Variants in TRAM2 observed in about 807,000 individuals in gnomAD.
TRAM2 encodes the protein translocating chain-associated membrane protein 2.
Under a neutral mutation model 51.0 loss-of-function variants are expected in TRAM2, and 12 were observed. The ratio of observed to expected loss-of-function variants is 0.24; its 90% confidence interval spans 0.15 to 0.38. The LOEUF (loss-of-function observed/expected upper bound fraction) is 0.38. TRAM2 is among the 10% of genes least tolerant of loss of function. The probability of loss-of-function intolerance (pLI) is 1.00; values close to 1 mark genes in which losing one functional copy is unlikely to be tolerated. For synonymous variants in TRAM2, 175 were observed against 179.4 expected (o/e 0.98, Z 0.20); for missense variants, 361 against 462.0 (o/e 0.78, Z 2.00).
chr6:52,545,775 T>C (rs1243602849), intron 1 of TRAM2, among the ~76,000 whole-genome samples: 1 of 152,118 alleles, frequency 6.6e-6, no homozygotes, highest in African/African-American at 2.4e-5. Context: ...CCCTGTTCCA[T>C]AGTCCTCCAT....
chr6:52,549,383 A>T (rs1767269612), intron 1 of TRAM2, among the ~76,000 whole-genome samples: 1 of 151,598 alleles, frequency 6.6e-6, no homozygotes. Context: ...TTTGCTTCCC[A>T]CAATGATTCA....
rs377638990 is a variant in TRAM2 at position 52,536,764 on chromosome 6, G to A, written c.121-918C>T. Among the ~76,000 whole-genome samples, 18 of 152,306 alleles carry A rather than the reference G, an allele frequency of 1.2e-4. No individual in the cohort carries two copies. In the East Asian group the frequency reaches 3.5e-3, roughly 29 times the overall value. Reference sequence around the variant, plus strand: ...CTCCCCAGAGGTTTCGGATGTGCAGGTGGGCCTGAGAACCACCATCCACAC... The same window carrying A: ...CTCCCCAGAGGTTTCGGATGTGCAGATGGGCCTGAGAACCACCATCCACAC... On this transcript the variant is annotated intron_variant, in intron 1 of 10. Coordinates refer to ENST00000182527, the MANE Select transcript of TRAM2 (RefSeq NM_012288.4).
chr6:52,561,781 G>A (rs1024960587), intron 1 of TRAM2, among the ~76,000 whole-genome samples: 132 of 151,960 alleles, frequency 8.7e-4, no homozygotes, highest in Non-Finnish European at 1.3e-3. Context: ...GTGCCACCAC[G>A]CCTGGTCCTA....
intron 1 of TRAM2, among the ~76,000 whole-genome samples, chr6:52,557,701 T>C (rs894732800): frequency 2.0e-5 from 3 of 152,162 alleles, no homozygotes; most frequent in African/African-American, 7.2e-5. Flanking sequence ...AAGAAGAGCC[T>C]GTGAGTTAAT....
chr6:52,568,565 TC>T (rs1434049428), intron 1 of TRAM2, among the ~76,000 whole-genome samples: 3 of 152,196 alleles, frequency 2.0e-5, no homozygotes, highest in Non-Finnish European at 2.9e-5. Context: ...AGCCTGTTCA[TC>T]CTGGGATTGC....
chr6:52,565,443 T>C (rs1231700680), intron 1 of TRAM2, among the ~76,000 whole-genome samples: 3 of 152,138 alleles, frequency 2.0e-5, no homozygotes, highest in Admixed American at 1.3e-4. Context: ...TAAACACTTG[T>C]TGAATTTCCC....
intron 1 of TRAM2, among the ~76,000 whole-genome samples, chr6:52,542,498 C>T (rs563281882): frequency 3.3e-5 from 5 of 152,116 alleles, no homozygotes; most frequent in East Asian, 1.9e-4. Context: ...GAGGGCTGAG[C>T]GCCTGAATCA....
intron 1 of TRAM2, among the ~76,000 whole-genome samples, chr6:52,545,955 G>C (rs757566734): frequency 1.3e-5 from 2 of 152,098 alleles, no homozygotes; most frequent in African/African-American, 4.8e-5. Context: ...GCTCAAATGT[G>C]CAGCCCAGAC....
Position 52,568,560 on chromosome 6 carries a change from G to A in TRAM2, c.120+8236C>T, listed in dbSNP as rs1032564031. 3.9e-5 allele frequency among the ~76,000 whole-genome samples: 6 copies of A among 152,326 alleles called. No homozygotes were observed. In the South Asian group the frequency reaches 1.0e-3, roughly 26 times the overall value. ...CCAGGAATTGCTGGAGGGAAAGCCT[G>A]TTCATCCTGGGATTGCTCCTCCAGG... On this transcript the variant is annotated intron_variant, in intron 1 of 10. Coordinates refer to ENST00000182527, the MANE Select transcript of TRAM2 (RefSeq NM_012288.4).
chr6:52,535,006 C>A (rs1207891393), intron 2 of TRAM2, among the ~76,000 whole-genome samples: 1 of 152,200 alleles, frequency 6.6e-6, no homozygotes, highest in Non-Finnish European at 1.5e-5. Flanking sequence ...TAACAACAGT[C>A]CTGTGACAAG....
rs146749101 is a variant in TRAM2 at position 52,505,932 on chromosome 6, G to A, written c.731+100C>T. On this transcript the variant is annotated intron_variant, in intron 8 of 10. Coordinates refer to ENST00000182527, the MANE Select transcript of TRAM2 (RefSeq NM_012288.4). Reference sequence around the variant, plus strand: ...GGGAGGGCACCACCTGCAGGTAAGCGGGCAGTGTGCAACCAGGGAGGGACC... The same window carrying A: ...GGGAGGGCACCACCTGCAGGTAAGCAGGCAGTGTGCAACCAGGGAGGGACC... 8.4e-4 allele frequency: 1,197 copies of A among 1,429,058 alleles called. 20 individuals carry two copies. The Admixed American group carries it at 0.021, about 25-fold the overall frequency. 88.5% of individuals were successfully genotyped at this position (1,429,058 alleles called of 1,614,324 possible). A position where few individuals can be genotyped will look rare whatever the true frequency, so the allele number is the denominator to read the frequency against.
At chr6:52,569,317 G>A (rs1767639607) in intron 1 of TRAM2, among the ~76,000 whole-genome samples, 1 of 151,624 alleles carries the variant, frequency 6.6e-6, no homozygotes, top group Non-Finnish European at 1.5e-5. Context: ...TTGAACCCGG[G>A]AAGTGGAGGT....
chr6:52,570,807 A>ACCCC (rs1562491187), intron 1 of TRAM2, among the ~76,000 whole-genome samples: 1 of 52,416 alleles, frequency 1.9e-5, no homozygotes, highest in Non-Finnish European at 4.0e-5. Flanking sequence ...CCCCCCCCCC[A>ACCCC]CACGCACACA....
intron 1 of TRAM2, among the ~76,000 whole-genome samples, chr6:52,560,297 A>C: frequency 6.6e-6 from 1 of 152,146 alleles, no homozygotes; most frequent in Admixed American, 6.6e-5. Flanking sequence ...TGAAAGCTGA[A>C]GTCTTCCATA....
chr6:52,508,582 A>T (rs1347858689), intron 5 of TRAM2, among the ~76,000 whole-genome samples: 1 of 152,260 alleles, frequency 6.6e-6, no homozygotes, highest in African/African-American at 2.4e-5. Context: ...AAAATAGTGC[A>T]GAGGAGGAGG....
At chr6:52,544,452 G>A (rs1450217853) in intron 1 of TRAM2, among the ~76,000 whole-genome samples, 1 of 152,146 alleles carries the variant, frequency 6.6e-6, no homozygotes, top group Admixed American at 6.5e-5. Flanking sequence ...AGAAGTCAAG[G>A]TCAGGCTGGG....
At chr6:52,509,197 G>A (rs1034247894) in intron 5 of TRAM2, among the ~76,000 whole-genome samples, 4 of 152,198 alleles carry the variant, frequency 2.6e-5, no homozygotes, top group Non-Finnish European at 4.4e-5. Flanking sequence ...GGCCAGAAGG[G>A]AAGACACTCT....
Position 52,502,961 on chromosome 6 carries a change from T to C in TRAM2, c.*236A>G. Reference sequence around the variant, plus strand: ...ACAGGACAGGAGTGAGGACAGGAGGTGGCCTGAGGGGGAGAAAGAGAAAGA... The same window carrying C: ...ACAGGACAGGAGTGAGGACAGGAGGCGGCCTGAGGGGGAGAAAGAGAAAGA... On this transcript the variant is annotated 3_prime_UTR_variant, in exon 11 of 11. Transcript: ENST00000182527. 1.7e-6 allele frequency: 1 copy of C among 576,674 alleles called. No homozygotes were observed. The highest frequency in any genetic ancestry group is 3.1e-6 in the Non-Finnish European group (1 of 324,256). 35.7% of individuals were successfully genotyped at this position (576,674 alleles called of 1,614,324 possible). A position where few individuals can be genotyped will look rare whatever the true frequency, so the allele number is the denominator to read the frequency against.
intron 4 of TRAM2, among the ~76,000 whole-genome samples, chr6:52,514,234 T>C (rs1057332981): frequency 6.6e-6 from 1 of 151,942 alleles, no homozygotes; most frequent in African/African-American, 2.4e-5. Flanking sequence ...ATGAAAAAAT[T>C]TGCATCATAA....
Sources: gnomAD v4.1 joint callset for allele counts (sites outside exome capture counted in the v4.1 genomes callset) on GRCh38, gnomAD v4.1.1 for gene constraint, MANE v1.5 for transcripts, NCBI Gene and HGNC (gene_info 2026-07-23, HGNC 2026-07-21) for gene names.